CHRNA3: variants seen among roughly 807,000 people sequenced by gnomAD.
CHRNA3 encodes cholinergic receptor nicotinic alpha 3 subunit, also known as neuronal acetylcholine receptor subunit alpha-3.
Under a neutral mutation model 41.9 loss-of-function variants are expected in CHRNA3, and 34 were observed. The ratio of observed to expected loss-of-function variants is 0.81; its 90% CI spans 0.62 to 1.08. The LOEUF (loss-of-function observed/expected upper bound fraction) is 1.08, where lower values mean the gene tolerates loss of function less well. Ranked by LOEUF, CHRNA3 falls within the 50% of genes least tolerant of loss-of-function variation. CHRNA3 has a pLI of 0.00. For synonymous variants in CHRNA3, 281 were observed against 265.2 expected (o/e 1.06, Z -0.58); for missense variants, 542 against 638.3 (o/e 0.85, Z 1.63).
intron 4 of CHRNA3, among the ~76,000 whole-genome samples, chr15:78,612,443 C>G: frequency 1.7e-5 from 1 of 59,736 alleles, no homozygotes; most frequent in African/African-American, 8.1e-5. Context: ...CTTTGACAAA[C>G]CTGACAAAAA....
Position 78,596,551 on chromosome 15 carries a change from C to T in CHRNA3, c.*53G>A. 1.4e-6 allele frequency: 2 copies of T among 1,400,788 alleles called. No homozygotes were observed. Among genetic ancestry groups the T allele is most frequent in the South Asian group, 3.9e-5 (2 of 51,840 alleles). 86.8% of individuals were successfully genotyped at this position (1,400,788 alleles called of 1,614,324 possible). A position where few individuals can be genotyped will look rare whatever the true frequency, so the allele number is the denominator to read the frequency against. On this transcript the variant is annotated 3_prime_UTR_variant, in exon 6 of 6. Transcript: ENST00000326828. ...AAGTACGTTCTTACTAGGAAGCAGCCTCCTCCTGCCCTGACACAAGGAAGT... is the reference window on the plus strand; with the variant it reads ...AAGTACGTTCTTACTAGGAAGCAGCTTCCTCCTGCCCTGACACAAGGAAGT...
chr15:78,620,363 G>T, intron 1 of CHRNA3: 1 of 175,088 alleles, frequency 5.7e-6, no homozygotes. Context: ...CAGTTTGGGA[G>T]CCAGTGCGCG....
chr15:78,609,698 A>G (rs2053352304), intron 4 of CHRNA3, among the ~76,000 whole-genome samples: 1 of 152,188 alleles, frequency 6.6e-6, no homozygotes, highest in Non-Finnish European at 1.5e-5. Context: ...AGCTAACATA[A>G]TAATGACAGG....
chr15:78,613,249 T>C (rs988651398), intron 4 of CHRNA3, among the ~76,000 whole-genome samples: 151 of 152,340 alleles, frequency 9.9e-4, no homozygotes, highest in African/African-American at 3.4e-3. Flanking sequence ...TAAATCATGC[T>C]GTTATAAAGA....
intron 4 of CHRNA3, among the ~76,000 whole-genome samples, chr15:78,602,641 T>G (rs1304797450): frequency 6.6e-6 from 1 of 152,186 alleles, no homozygotes; most frequent in African/African-American, 2.4e-5. Context: ...TTGGGATTAT[T>G]TGCCACCCAG....
intron 3 of CHRNA3, 23 bp from the exon 4 acceptor site, chr15:78,617,156 G>A (rs769802599): frequency 1.3e-6 from 2 of 1,508,884 alleles, no homozygotes; most frequent in Non-Finnish European, 1.8e-6. Flanking sequence ...AGCAGGGAGG[G>A]AGAAGGAGAC....
In CHRNA3 at chr15:78,601,105, A is replaced by G; in HGVS notation, c.1389+148T>C. ...CAGGCTCAGAGAGGTGAGGTAACAT[A>G]CCCAAGGACATATAACTGGTCTTAA... On this transcript the variant is annotated intron_variant, in intron 5 of 5. Transcript: ENST00000326828. 4 of 698,344 alleles carry G rather than the reference A, an allele frequency of 5.7e-6. 1 individual carries two copies. The South Asian group carries it at 7.6e-5, about 13-fold the overall frequency. The allele number at this position is 698,344 out of a possible 1,614,324, so 43.3% of individuals were successfully genotyped here. A position where few individuals can be genotyped will look rare whatever the true frequency, so the allele number is the denominator to read the frequency against.
At chr15:78,609,898 T>C (rs1397102645) in intron 4 of CHRNA3, among the ~76,000 whole-genome samples, 52 of 151,654 alleles carry the variant, frequency 3.4e-4, no homozygotes, top group Non-Finnish European at 4.4e-5. Flanking sequence ...ACCAAGCAAA[T>C]GGAAAACAAA....
intron 3 of CHRNA3, among the ~76,000 whole-genome samples, chr15:78,617,523 CAT>C (rs1567093119): frequency 6.6e-6 from 1 of 152,108 alleles, no homozygotes. Flanking sequence ...TGTTTTCCAA[CAT>C]AGACACTCTT....
Position 78,596,391 on chromosome 15 carries a change from C to T in CHRNA3, c.*213G>A, listed in dbSNP as rs146105547. On this transcript the variant is annotated 3_prime_UTR_variant, in exon 6 of 6. Coordinates refer to ENST00000326828, the MANE Select transcript of CHRNA3 (RefSeq NM_000743.5). ...CACATTTTGACATCTCTTTACCATA[C>T]CAAAAAGGCTAGTTAAATGTTCATT... 1.1e-5 allele frequency: 13 copies of T among 1,217,000 alleles called. No homozygotes were observed. In the South Asian group the frequency reaches 1.5e-4, roughly 14 times the overall value. 75.4% of individuals were successfully genotyped at this position (1,217,000 alleles called of 1,614,324 possible). A position where few individuals can be genotyped will look rare whatever the true frequency, so the allele number is the denominator to read the frequency against.
intron 4 of CHRNA3, among the ~76,000 whole-genome samples, chr15:78,608,917 G>C (rs2053340329): frequency 6.6e-6 from 1 of 152,318 alleles, no homozygotes; most frequent in African/African-American, 2.4e-5. Context: ...GCCAAGGCTG[G>C]AGAACTACGT....
chr15:78,615,966 T>G (rs2053455203), intron 4 of CHRNA3, among the ~76,000 whole-genome samples: 1 of 151,026 alleles, frequency 6.6e-6, no homozygotes, highest in Admixed American at 6.6e-5. Context: ...GGTCTCGAAC[T>G]CCTGGCCTCC....
rs2053509351 is a variant in CHRNA3 at position 78,618,971 on chromosome 15, C to G, written c.83-56G>C. ...GAAATCGTTACTTAACCTCCCCCAC[C>G]CAGCCCAGCAGAAACATCACCCATC... is the stretch of plus-strand genomic sequence containing the variant. On this transcript the variant is annotated intron_variant, in intron 1 of 5. Transcript: ENST00000326828. 2.5e-6 allele frequency: 4 copies of G among 1,588,328 alleles called. No homozygotes were observed. The African/African-American group carries it at 5.4e-5, about 21-fold the overall frequency.
chr15:78,616,960 T>G (rs1596084226), intron 4 of CHRNA3, 64 bp downstream of exon 4: 2 of 1,141,106 alleles, frequency 1.8e-6, no homozygotes. Flanking sequence ...TTAAGCACAG[T>G]GGGCCAAAAA....
rs747955885 is a variant in CHRNA3, at chr15:78,618,766, C to G, written c.222+10G>C. ...CCCCATGGCCACGGCTCGTGGCTTC[C>G]AGCACTCACCACCTTCACCAGCTGA... On this transcript the variant is annotated intron_variant, in intron 2 of 5. Coordinates refer to ENST00000326828, the MANE Select transcript of CHRNA3 (RefSeq NM_000743.5). 6.2e-7 allele frequency: 1 copy of G among 1,613,950 alleles called. No individual in the cohort carries two copies. The highest frequency in any genetic ancestry group is 1.3e-5 in the African/African-American group (1 of 74,936).
In CHRNA3 at chr15:78,607,218, C is replaced by CAAA. The variant is rs34822304; in HGVS notation, c.378-4957_378-4955dup. Among the ~76,000 whole-genome samples the CAAA allele has an allele frequency of 5.6e-4, 62 of 111,248 alleles. No individual in the cohort carries two copies. In the East Asian group the frequency reaches 7.6e-3, roughly 14 times the overall value. 73.0% of individuals were successfully genotyped at this position (111,248 alleles called of 152,430 possible). On this transcript the variant is annotated intron_variant, in intron 4 of 5. Transcript: ENST00000326828. Reference sequence around the variant, plus strand: ...GGCCAACACAGTGAGACTCTGTCTCCAAAAAAAAAAAAAAAAAGATTTTCA... The same window carrying CAAA: ...GGCCAACACAGTGAGACTCTGTCTCCAAAAAAAAAAAAAAAAAAAAGATTTTCA...
At chr15:78,606,731 TA>T (rs200144686) in intron 4 of CHRNA3, among the ~76,000 whole-genome samples, 1 of 150,172 alleles carries the variant, frequency 6.7e-6, no homozygotes, top group South Asian at 2.1e-4. Flanking sequence ...CCGTCTCTAC[TA>T]AAAAAAATAC....
Position 78,617,011 on chromosome 15 carries a change from C to G in CHRNA3, c.377+13G>C, listed in dbSNP as rs765077640. ...GACAGCCCTGAGAGGGCGTGGGCCC[C>G]CCAGCACCTTACTTGTTATACAGCA... On this transcript the variant is annotated intron_variant, in intron 4 of 5. Coordinates refer to ENST00000326828, the MANE Select transcript of CHRNA3 (RefSeq NM_000743.5). 1.9e-6 allele frequency: 3 copies of G among 1,598,988 alleles called. No individual in the cohort carries two copies. The highest frequency in any genetic ancestry group is 8.6e-7 in the Non-Finnish European group (1 of 1,168,492).
chr15:78,616,573 C>T (rs952588486), intron 4 of CHRNA3, among the ~76,000 whole-genome samples: 2 of 152,106 alleles, frequency 1.3e-5, no homozygotes, highest in African/African-American at 4.8e-5. Context: ...GCATCTGAGC[C>T]TTCCCCCTCC....
Sources: allele counts gnomAD v4.1 joint callset (sites outside exome capture counted in the v4.1 genomes callset), GRCh38; gene constraint gnomAD v4.1.1; transcripts MANE v1.5; gene names NCBI Gene and HGNC (gene_info 2026-07-23, HGNC 2026-07-21).